The following RXFP1 variants were observed in gnomAD, a reference collection of about 807,000 sequenced individuals.
RXFP1 encodes relaxin receptor 1.
RXFP1 carries 73 observed loss-of-function variants against 89.8 expected under a neutral mutation model. The observed-to-expected ratio is 0.81, with a 90% confidence interval of 0.67 to 0.99. The LOEUF is 0.99. RXFP1 is among the 50% of genes least tolerant of loss of function. The pLI, the probability that RXFP1 is intolerant of heterozygous loss-of-function variation, is 0.00. For synonymous variants in RXFP1, 277 were observed against 305.5 expected (o/e 0.91, Z 0.97); for missense variants, 793 against 895.5 (o/e 0.89, Z 1.46).
chr4:158,596,215 T>C (rs1368070930), intron 3 of RXFP1, among the ~76,000 whole-genome samples: 1 of 151,812 alleles, frequency 6.6e-6, no homozygotes, highest in Non-Finnish European at 1.5e-5. Flanking sequence ...CCATGTTGTC[T>C]CAAAACAGTT....
chr4:158,559,669 T>A lies in RXFP1; in HGVS notation c.50-13029T>A, dbSNP rs182200974. Among the ~76,000 whole-genome samples the A allele has an allele frequency of 3.3e-5, 5 of 152,354 alleles. No homozygotes were observed. In the East Asian group the frequency reaches 9.6e-4, roughly 29 times the overall value. ...TTACGACAAAAAAGCCACTTTTTTC[T>A]ACTTTAATGTGAAGCACAAGATGGT... On this transcript the variant is annotated intron_variant, in intron 1 of 17. Coordinates refer to ENST00000307765, the MANE Select transcript of RXFP1 (RefSeq NM_021634.4).
intron 2 of RXFP1, among the ~76,000 whole-genome samples, chr4:158,582,526 G>A (rs1338216345): frequency 2.0e-5 from 3 of 152,122 alleles, no homozygotes. Flanking sequence ...TTCACATCCA[G>A]TGCCTCTCCT....
chr4:158,522,789 G>C (rs1302767644), intron 1 of RXFP1, among the ~76,000 whole-genome samples: 1 of 152,060 alleles, frequency 6.6e-6, no homozygotes, highest in Non-Finnish European at 1.5e-5. Flanking sequence ...AAAACTTTCT[G>C]GGTATCTTTA....
At chr4:158,597,549 C>A (rs1341335153) in intron 3 of RXFP1, among the ~76,000 whole-genome samples, 1 of 152,146 alleles carries the variant, frequency 6.6e-6, no homozygotes, top group African/African-American at 2.4e-5. Context: ...ACTACAACAT[C>A]TTTTAAAATA....
At chr4:158,581,097 G>A (rs1022924882) in intron 2 of RXFP1, among the ~76,000 whole-genome samples, 2 of 152,172 alleles carry the variant, frequency 1.3e-5, no homozygotes, top group Non-Finnish European at 2.9e-5. Flanking sequence ...GCCTGTGCAT[G>A]ACTATTTGTG....
chr4:158,603,123 C>T (rs1038784777), intron 4 of RXFP1, among the ~76,000 whole-genome samples: 1 of 151,706 alleles, frequency 6.6e-6, no homozygotes, highest in Non-Finnish European at 1.5e-5. Flanking sequence ...GTAGAGATGG[C>T]GGTGGGGGGG....
At chr4:158,550,485 G>A (rs756040153) in intron 1 of RXFP1, among the ~76,000 whole-genome samples, 6 of 152,204 alleles carry the variant, frequency 3.9e-5, no homozygotes, top group South Asian at 2.1e-4. Flanking sequence ...GCACTCCCTA[G>A]TGAGATGAAC....
intron 8 of RXFP1, among the ~76,000 whole-genome samples, chr4:158,614,365 A>C (rs1218407509): frequency 6.6e-6 from 1 of 152,220 alleles, no homozygotes; most frequent in Non-Finnish European, 1.5e-5. Flanking sequence ...TATTTTTTCA[A>C]TAGAAGGTTG....
intron 1 of RXFP1, among the ~76,000 whole-genome samples, chr4:158,551,973 A>C (rs963977101): frequency 6.6e-6 from 1 of 152,202 alleles, no homozygotes; most frequent in Non-Finnish European, 1.5e-5. Context: ...AATTTTTAAA[A>C]AATAAAGACC....
chr4:158,617,258 C>G (rs1420865629), intron 9 of RXFP1, 53 bp downstream of exon 9: 1 of 1,278,798 alleles, frequency 7.8e-7, no homozygotes. Flanking sequence ...CTGTTTTTAC[C>G]TAATTCATTC....
Position 158,521,934 on chromosome 4 carries a change from A to G in RXFP1, c.-43A>G. 1 of 1,488,148 alleles carries G rather than the reference A, an allele frequency of 6.7e-7. No homozygotes were observed. The highest frequency in any genetic ancestry group is 1.2e-5 in the South Asian group (1 of 86,630). The allele number at this position is 1,488,148 out of a possible 1,614,324, so 92.2% of individuals were successfully genotyped here. On this transcript the variant is annotated 5_prime_UTR_variant, in exon 1 of 18. Transcript: ENST00000307765. ...GTATGCGATTCAGAAACCAAGACCA[A>G]ATTTTGCTCACTTTCATTAATCAGT...
intron 17 of RXFP1, 97 bp from the exon 18 acceptor site, chr4:158,651,660 C>T: frequency 1.1e-6 from 1 of 919,688 alleles, no homozygotes; most frequent in Non-Finnish European, 1.6e-6. Flanking sequence ...AAAATCAAAA[C>T]TCAAAAAGGG....
In RXFP1 at chr4:158,567,803, G is replaced by A. The variant is rs183633466; in HGVS notation, c.50-4895G>A. On this transcript the variant is annotated intron_variant, in intron 1 of 17. Coordinates refer to ENST00000307765, the MANE Select transcript of RXFP1 (RefSeq NM_021634.4). ...TGTAAAACAGACCAATCGGCTCTCT[G>A]TAAAACGGACCAATCAGCAGGATGT... Among the ~76,000 whole-genome samples the A allele has an allele frequency of 3.5e-4, 53 of 152,308 alleles. No homozygotes were observed. In the Middle Eastern group the frequency reaches 0.01, roughly 29 times the overall value.
At chr4:158,525,252 T>C (rs1322295119) in intron 1 of RXFP1, among the ~76,000 whole-genome samples, 2 of 151,328 alleles carry the variant, frequency 1.3e-5, no homozygotes, top group African/African-American at 2.4e-5. Context: ...TTAATTTGTA[T>C]AAATTTATGG....
rs527524004 is a variant in RXFP1, at chr4:158,605,949, T to C, written c.464+810T>C. Among the ~76,000 whole-genome samples, 13 of 152,284 alleles carry C rather than the reference T, an allele frequency of 8.5e-5. No homozygotes were observed. The South Asian group carries it at 2.5e-3, about 29-fold the overall frequency. ...CATTTTTAAAGATAACAGATGGAAA[T>C]TGAGTGGAATCAGAAGAAGAATTAA... On this transcript the variant is annotated intron_variant, in intron 5 of 17. Transcript: ENST00000307765.
chr4:158,532,666 T>C (rs1295646062), intron 1 of RXFP1, among the ~76,000 whole-genome samples: 1 of 152,140 alleles, frequency 6.6e-6, no homozygotes, highest in Non-Finnish European at 1.5e-5. Flanking sequence ...TTCCACATTG[T>C]CCTCCAGCTA....
chr4:158,624,109 C>T (rs1249618157), intron 9 of RXFP1, among the ~76,000 whole-genome samples: 1 of 152,136 alleles, frequency 6.6e-6, no homozygotes, highest in Non-Finnish European at 1.5e-5. Context: ...GCCCAAAGAA[C>T]ATTCACCAAA....
At chr4:158,553,774 G>GA (rs1376292843) in intron 1 of RXFP1, among the ~76,000 whole-genome samples, 1 of 151,964 alleles carries the variant, frequency 6.6e-6, no homozygotes, top group Non-Finnish European at 1.5e-5. Flanking sequence ...TGGAACAGGA[G>GA]AAAAAAGGGC....
At chr4:158,577,370 T>A (rs1247762905) in intron 2 of RXFP1, among the ~76,000 whole-genome samples, 1 of 152,162 alleles carries the variant, frequency 6.6e-6, no homozygotes, top group Non-Finnish European at 1.5e-5. Flanking sequence ...CATATGTAAA[T>A]TCTGTTTAAT....
Sources: allele counts gnomAD v4.1 joint callset (sites outside exome capture counted in the v4.1 genomes callset), GRCh38; gene constraint gnomAD v4.1.1; transcripts MANE v1.5; gene names NCBI Gene and HGNC (gene_info 2026-07-23, HGNC 2026-07-21).